The following TDRD7 variants were observed in gnomAD, a reference collection of about 807,000 sequenced individuals.
The protein encoded by TDRD7 is tudor domain-containing protein 7.
TDRD7 carries 47 observed loss-of-function variants against 109.8 expected under a neutral mutation model. That is an observed-to-expected ratio of 0.43 (90% confidence interval 0.34 to 0.55). TDRD7 has a LOEUF of 0.55. TDRD7 is among the 20% of genes least tolerant of loss of function. The pLI is 0.03. For missense variants in TDRD7, 1,164 were observed against 1,319.2 expected (o/e 0.88, Z 1.82); for synonymous variants, 424 against 457.3 (o/e 0.93, Z 0.93).
At chr9:97,468,184 C>T (rs540952653) in intron 8 of TDRD7, among the ~76,000 whole-genome samples, 1 of 152,300 alleles carries the variant, frequency 6.6e-6, no homozygotes, top group South Asian at 2.1e-4. Flanking sequence ...TGTGAAATCA[C>T]AGGACAAGAT....
Position 97,496,007 on chromosome 9 carries a change from T to C in TDRD7, c.*124T>C. The C allele has an allele frequency of 1.3e-6, 1 of 760,702 alleles. No individual in the cohort carries two copies. Among genetic ancestry groups the C allele is most frequent in the Non-Finnish European group, 2.2e-6 (1 of 446,576 alleles). 47.1% of individuals were successfully genotyped at this position (760,702 alleles called of 1,614,324 possible). ...CTGCTGTGGGGGATTGAAAAGAATA[T>C]GCTTATGTTTGATGAAAGATATTTA... On this transcript the variant is annotated 3_prime_UTR_variant, in exon 17 of 17. Coordinates refer to ENST00000355295, the MANE Select transcript of TDRD7 (RefSeq NM_014290.3).
At chr9:97,464,110 C>T (rs566742624) in intron 7 of TDRD7, among the ~76,000 whole-genome samples, 1 of 152,300 alleles carries the variant, frequency 6.6e-6, no homozygotes, top group East Asian at 1.9e-4. Context: ...TTCCAGCAGC[C>T]TTAGTCAAGA....
intron 6 of TDRD7, among the ~76,000 whole-genome samples, chr9:97,449,264 C>T (rs1053166005): frequency 3.3e-5 from 5 of 152,104 alleles, no homozygotes. Context: ...CAGCGGACAC[C>T]AGCTGGGTGC....
intron 7 of TDRD7, among the ~76,000 whole-genome samples, chr9:97,461,252 A>G (rs1316047462): frequency 6.6e-6 from 1 of 152,262 alleles, no homozygotes; most frequent in Non-Finnish European, 1.5e-5. Context: ...TAAGACTACT[A>G]ATAGCTTTAA....
At chr9:97,472,008 GTGAAGACTGTTTCTCCCAAGGTA>G (rs1828924346) in intron 9 of TDRD7, among the ~76,000 whole-genome samples, 1 of 152,114 alleles carries the variant, frequency 6.6e-6, no homozygotes. Context: ...CATGTATAAA[GTGAAGACTGTTTCTCCCAAGGTA>G]GAAATTCTGA....
chr9:97,443,003 C>G (rs1279973660), intron 6 of TDRD7, among the ~76,000 whole-genome samples: 17 of 152,192 alleles, frequency 1.1e-4, no homozygotes, highest in African/African-American at 4.1e-4. Context: ...ACCATGTTGG[C>G]CAGGCTGGAG....
At chr9:97,424,175 T>A (rs1254549143) in intron 1 of TDRD7, among the ~76,000 whole-genome samples, 1 of 145,940 alleles carries the variant, frequency 6.9e-6, no homozygotes, top group African/African-American at 2.5e-5. Flanking sequence ...TGCCTCAGCC[T>A]CCTGAGTAGC....
chr9:97,424,477 C>G (rs1827953788), intron 1 of TDRD7, among the ~76,000 whole-genome samples: 1 of 152,100 alleles, frequency 6.6e-6, no homozygotes, highest in Non-Finnish European at 1.5e-5. Flanking sequence ...TTTCAGCTAT[C>G]AGATTTTGTG....
At chr9:97,451,715 C>T (rs1828495842) in intron 6 of TDRD7, among the ~76,000 whole-genome samples, 1 of 152,238 alleles carries the variant, frequency 6.6e-6, no homozygotes, top group Admixed American at 6.5e-5. Context: ...AGTTCCAGAG[C>T]CGCAGGCTTG....
intron 1 of TDRD7, among the ~76,000 whole-genome samples, chr9:97,420,500 T>A (rs1827882257): frequency 6.6e-6 from 1 of 152,228 alleles, no homozygotes; most frequent in African/African-American, 2.4e-5. Flanking sequence ...GTCTGTAGTT[T>A]CGCCTTTTCC....
chr9:97,441,970 A>G, intron 6 of TDRD7, 95 bp downstream of exon 6: 1 of 1,030,382 alleles, frequency 9.7e-7, no homozygotes, highest in Non-Finnish European at 1.5e-6. Context: ...TCCCCAGAAG[A>G]CAAAGCACTT....
intron 1 of TDRD7, among the ~76,000 whole-genome samples, chr9:97,417,297 G>A (rs1241717959): frequency 6.6e-6 from 1 of 152,150 alleles, no homozygotes; most frequent in Non-Finnish European, 1.5e-5. Flanking sequence ...TAAGGACTTG[G>A]CTTTTTGTCT....
chr9:97,475,340 T>C (rs1262025332), intron 11 of TDRD7, 43 bp from the exon 12 acceptor site: 1 of 1,466,480 alleles, frequency 6.8e-7, no homozygotes, highest in Non-Finnish European at 9.6e-7. Context: ...CAATATGCTC[T>C]TTGCTAAGAG....
intron 15 of TDRD7, among the ~76,000 whole-genome samples, chr9:97,486,424 G>T (rs1278833779): frequency 6.6e-6 from 1 of 152,038 alleles, no homozygotes; most frequent in Non-Finnish European, 1.5e-5. Context: ...TCCTTCTGGT[G>T]CCTTGAGCTC....
chr9:97,454,096 CT>C (rs1828558102), intron 6 of TDRD7, among the ~76,000 whole-genome samples: 3 of 152,204 alleles, frequency 2.0e-5, no homozygotes, highest in Admixed American at 2.0e-4. Context: ...AATATACATT[CT>C]TCACAGCACC....
At chr9:97,471,690 T>C (rs562908139) in intron 9 of TDRD7, among the ~76,000 whole-genome samples, 19 of 152,284 alleles carry the variant, frequency 1.2e-4, no homozygotes, top group African/African-American at 4.1e-4. Flanking sequence ...TAACTTAGAA[T>C]TGTCATATAT....
rs773838836 is a variant in TDRD7 at position 97,460,147 on chromosome 9, A to G, written c.856-31A>G. The G allele has an allele frequency of 2.6e-5, 41 of 1,587,218 alleles. No individual in the cohort carries two copies. The South Asian group carries it at 4.5e-4, about 18-fold the overall frequency. On this transcript the variant is annotated intron_variant, in intron 6 of 16. Transcript: ENST00000355295. ...GTGGGTTGTTTATAGTCACTGAAATATCTGTCATTTGCTTTATTTAAAAAT... is the reference window on the plus strand; with the variant it reads ...GTGGGTTGTTTATAGTCACTGAAATGTCTGTCATTTGCTTTATTTAAAAAT...
chr9:97,441,424 A>G (rs566462890), intron 5 of TDRD7, among the ~76,000 whole-genome samples: 57 of 152,264 alleles, frequency 3.7e-4, no homozygotes, highest in African/African-American at 1.3e-3. Context: ...TAAAGGGACT[A>G]GGTTCCCTCT....
At chr9:97,459,083 G>A (rs1488998192) in intron 6 of TDRD7, among the ~76,000 whole-genome samples, 1 of 152,144 alleles carries the variant, frequency 6.6e-6, no homozygotes, top group Non-Finnish European at 1.5e-5. Flanking sequence ...ATTTTGGAAG[G>A]CAAGGAATTT....
Sources: allele counts gnomAD v4.1 joint callset (sites outside exome capture counted in the v4.1 genomes callset), GRCh38; gene constraint gnomAD v4.1.1; transcripts MANE v1.5; gene names NCBI Gene and HGNC (gene_info 2026-07-23, HGNC 2026-07-21).